The following GREB1 variants were observed in gnomAD, a reference collection of about 807,000 sequenced individuals.
The protein encoded by GREB1 is protein GREB1.
GREB1 carries 106 observed loss-of-function variants against 200.7 expected under a neutral mutation model. The ratio of observed to expected loss-of-function variants is 0.53; its 90% CI spans 0.45 to 0.62. GREB1 has a LOEUF of 0.62. Among genes scored for constraint, GREB1 ranks in the 20% least tolerant of loss-of-function variants. GREB1 has a pLI of 0.00. For missense variants in GREB1, 2,243 were observed against 2,556.8 expected, an observed-to-expected ratio of 0.88 and a Z score of 2.65; for synonymous variants, 1,132 against 1,092.4, an observed-to-expected ratio of 1.04 and a Z score of -0.72.
In GREB1 at chr2:11,540,817, C is replaced by T. The variant is rs192909363; in HGVS notation, c.-162+6563C>T. 2.2e-3 allele frequency: 343 copies of T among 153,076 alleles called. 2 individuals carry two copies. Among genetic ancestry groups the T allele is most frequent in the Middle Eastern group, 0.016 (12 of 752 alleles). 9.5% of individuals were successfully genotyped at this position (153,076 alleles called of 1,614,324 possible). ...CCTGCAGTCTCAATGCGTTTATTGCCGTGTCATATATTGGGGGCTGACTAT... is the reference window on the plus strand; with the variant it reads ...CCTGCAGTCTCAATGCGTTTATTGCTGTGTCATATATTGGGGGCTGACTAT... On this transcript the variant is annotated intron_variant, in intron 1 of 32. Transcript: ENST00000381486.
chr2:11,522,868 A>C (rs1673748368), intron 1 of GREB1, among the ~76,000 whole-genome samples: 1 of 152,260 alleles, frequency 6.6e-6, no homozygotes. Context: ...CAGGATTCCC[A>C]AAGTGCCTGT....
At chr2:11,484,876 C>G (rs1158519337) in intron 1 of GREB1, among the ~76,000 whole-genome samples, 2 of 152,234 alleles carry the variant, frequency 1.3e-5, no homozygotes, top group African/African-American at 2.4e-5. Flanking sequence ...GACGGAGTCT[C>G]GCTCTTTCGC....
chr2:11,543,408 G>A (rs1674949093), intron 1 of GREB1, among the ~76,000 whole-genome samples: 1 of 152,122 alleles, frequency 6.6e-6, no homozygotes, highest in Admixed American at 6.6e-5. Flanking sequence ...TCTATTTTAT[G>A]CCAACTGCCC....
intron 1 of GREB1, among the ~76,000 whole-genome samples, chr2:11,496,434 T>C (rs949022498): frequency 6.6e-6 from 1 of 152,166 alleles, no homozygotes; most frequent in Non-Finnish European, 1.5e-5. Context: ...CCATTAATAT[T>C]GTATAAAGGT....
chr2:11,602,160 A>G (rs1279444187), intron 16 of GREB1, among the ~76,000 whole-genome samples: 2 of 152,348 alleles, frequency 1.3e-5, no homozygotes, highest in East Asian at 1.9e-4. Flanking sequence ...TTCTTGGTAA[A>G]AACATTGGGA....
intron 7 of GREB1, among the ~76,000 whole-genome samples, chr2:11,584,222 A>T (rs1372630682): frequency 6.6e-6 from 1 of 152,150 alleles, no homozygotes; most frequent in African/African-American, 2.4e-5. Flanking sequence ...ATGTAGGGGA[A>T]ATTTTGTGTC....
chr2:11,604,942 C>G lies in GREB1; in HGVS notation c.2666+2400C>G, dbSNP rs565467350. On this transcript the variant is annotated intron_variant, in intron 17 of 32. Coordinates refer to ENST00000381486, the MANE Select transcript of GREB1 (RefSeq NM_014668.4). ...TGTAGGACTGTCAGTTGGACACAAA[C>G]CTACTGTGACTTAAAAACAAAAGAT... Among the ~76,000 whole-genome samples the G allele has an allele frequency of 1.6e-4, 25 of 152,182 alleles. No individual in the cohort carries two copies. In the South Asian group the frequency reaches 4.6e-3, roughly 28 times the overall value.
At chr2:11,574,980 G>C (rs1178893098) in intron 4 of GREB1, among the ~76,000 whole-genome samples, 1 of 152,250 alleles carries the variant, frequency 6.6e-6, no homozygotes, top group Non-Finnish European at 1.5e-5. Flanking sequence ...TTTTGAGAAA[G>C]ACTAGATGTG....
chr2:11,599,023 G>C (rs1025800818), intron 15 of GREB1, among the ~76,000 whole-genome samples, 163 bp downstream of exon 15: 1 of 152,202 alleles, frequency 6.6e-6, no homozygotes, highest in African/African-American at 2.4e-5. Context: ...TCTTGAGCTG[G>C]AAGTTATCTC....
rs1290457341 is a variant in GREB1 at position 11,630,225 on chromosome 2, C to T, written c.4611+116C>T. 4.1e-6 allele frequency: 4 copies of T among 979,764 alleles called. No individual in the cohort carries two copies. In the African/African-American group the frequency reaches 4.9e-5, roughly 12 times the overall value. 60.7% of individuals were successfully genotyped at this position (979,764 alleles called of 1,614,324 possible). On this transcript the variant is annotated intron_variant, in intron 26 of 32. Transcript: ENST00000381486. The stretch of plus-strand genomic sequence containing the variant: ...TGCAGACACCGATACAGGGACTGAA[C>T]TTGGAGGAGGCTGGTGTCGCGCACG...
In GREB1 at chr2:11,571,422, C is replaced by T. The variant is rs564872546; in HGVS notation, c.454+4766C>T. On this transcript the variant is annotated intron_variant, in intron 4 of 32. Transcript: ENST00000381486. ...TCTGCAGCACACTGTGCTGGAACAG[C>T]CAGTCCCATCTTGGCAGAGAAGTAC... Among the ~76,000 whole-genome samples, 198 of 152,322 alleles carry T rather than the reference C, an allele frequency of 1.3e-3. 1 individual carries two copies. The highest frequency in any genetic ancestry group is 4.5e-3 in the African/African-American group (188 of 41,566).
chr2:11,485,425 C>T (rs4669731), intron 1 of GREB1, among the ~76,000 whole-genome samples: 69,550 of 151,502 alleles, frequency 0.46, 17,124 homozygotes, highest in East Asian at 0.68. Flanking sequence ...AGGTGTGCAC[C>T]TCCATGCCCA....
intron 3 of GREB1, among the ~76,000 whole-genome samples, chr2:11,564,566 A>C (rs1002082482): frequency 6.6e-6 from 1 of 152,234 alleles, no homozygotes; most frequent in Admixed American, 6.5e-5. Flanking sequence ...AGATTTTCAC[A>C]TAATTTCCAA....
intron 1 of GREB1, among the ~76,000 whole-genome samples, chr2:11,500,931 G>A (rs1335598179): frequency 6.6e-6 from 1 of 152,174 alleles, no homozygotes; most frequent in Non-Finnish European, 1.5e-5. Context: ...GGTTAAATGA[G>A]ATATGAGAAA....
intron 1 of GREB1, among the ~76,000 whole-genome samples, chr2:11,556,070 A>G (rs1464736927): frequency 6.6e-6 from 1 of 152,216 alleles, no homozygotes; most frequent in East Asian, 1.9e-4. Context: ...ATTAAAAAAC[A>G]TTTTAAAGGA....
chr2:11,543,990 C>T (rs377637271), intron 1 of GREB1, among the ~76,000 whole-genome samples: 1 of 152,174 alleles, frequency 6.6e-6, no homozygotes, highest in Admixed American at 6.5e-5. Flanking sequence ...GTGTACAGCA[C>T]CCAGGAGCAC....
chr2:11,608,118 C>T (rs1221818819), intron 17 of GREB1, among the ~76,000 whole-genome samples: 2 of 152,172 alleles, frequency 1.3e-5, no homozygotes, highest in African/African-American at 2.4e-5. Flanking sequence ...GGTTTCCATA[C>T]CTGAACCACT....
intron 17 of GREB1, among the ~76,000 whole-genome samples, chr2:11,606,265 T>A (rs1301079195): frequency 6.6e-6 from 1 of 152,236 alleles, no homozygotes; most frequent in Non-Finnish European, 1.5e-5. Flanking sequence ...CAAACCTGTG[T>A]TATTCAAGGG....
At chr2:11,563,660 G>A (rs1428521286) in intron 3 of GREB1, among the ~76,000 whole-genome samples, 1 of 152,178 alleles carries the variant, frequency 6.6e-6, no homozygotes, top group Non-Finnish European at 1.5e-5. Flanking sequence ...CTGAGCCTCT[G>A]CTTCCTTATT....
Sources: gnomAD v4.1 joint callset for allele counts (sites outside exome capture counted in the v4.1 genomes callset) on GRCh38, gnomAD v4.1.1 for gene constraint, MANE v1.5 for transcripts, NCBI Gene and HGNC (gene_info 2026-07-23, HGNC 2026-07-21) for gene names.